MRPL3: variants seen among roughly 807,000 people sequenced by gnomAD.
MRPL3 encodes mitochondrial ribosomal protein L3, also known as large ribosomal subunit protein uL3m.
MRPL3 carries 43 observed loss-of-function variants against 44.3 expected under a neutral mutation model. The ratio of observed to expected loss-of-function variants is 0.97; its 90% CI spans 0.76 to 1.25. MRPL3 has a LOEUF of 1.25. MRPL3 is among the 50% of genes most tolerant of loss of function. The pLI, the probability that MRPL3 is intolerant of heterozygous loss-of-function variation, is 0.00. For synonymous variants in MRPL3, 171 were observed against 152.3 expected (o/e 1.12, Z -0.91); for missense variants, 406 against 427.6 (o/e 0.95, Z 0.45).
chr3:131,468,936 T>C (rs1933680174), intron 8 of MRPL3, among the ~76,000 whole-genome samples: 1 of 152,074 alleles, frequency 6.6e-6, no homozygotes, highest in Non-Finnish European at 1.5e-5. Flanking sequence ...TCTTTGGGTA[T>C]TGTTCTTATT....
intron 4 of MRPL3, among the ~76,000 whole-genome samples, chr3:131,495,658 C>T (rs1299039457): frequency 6.6e-6 from 1 of 152,106 alleles, no homozygotes; most frequent in Non-Finnish European, 1.5e-5. Flanking sequence ...CTATGAAATG[C>T]AATACCTATC....
At chr3:131,468,837 T>C (rs1306832863) in intron 8 of MRPL3, among the ~76,000 whole-genome samples, 3 of 152,058 alleles carry the variant, frequency 2.0e-5, no homozygotes, top group African/African-American at 7.2e-5. Flanking sequence ...TATATAAAAT[T>C]TGAAAACTTC....
At chr3:131,492,910 A>G (rs1220859671) in intron 4 of MRPL3, among the ~76,000 whole-genome samples, 2 of 152,200 alleles carry the variant, frequency 1.3e-5, no homozygotes, top group Non-Finnish European at 2.9e-5. Flanking sequence ...TTATTTTCTT[A>G]TAATTCCTGG....
At chr3:131,469,808 A>G (rs778761669) in intron 7 of MRPL3, 35 bp from the exon 8 acceptor site, 1 of 1,411,642 alleles carries the variant, frequency 7.1e-7, no homozygotes, top group Non-Finnish European at 1.0e-6. Context: ...ACTTTTAAGT[A>G]CTATCAATTT....
At chr3:131,463,887 G>A (rs1232249619) in intron 9 of MRPL3, among the ~76,000 whole-genome samples, 1 of 152,054 alleles carries the variant, frequency 6.6e-6, no homozygotes, top group African/African-American at 2.4e-5. Flanking sequence ...ATATACACGA[G>A]TAAAATGAGG....
chr3:131,483,193 C>CAATGGAATA (rs1465370244), intron 6 of MRPL3, among the ~76,000 whole-genome samples: 2 of 152,024 alleles, frequency 1.3e-5, no homozygotes, highest in African/African-American at 2.4e-5. Context: ...TTCAAAGTTA[C>CAATGGAATA]AATGGAATAT....
At chr3:131,468,060 A>T (rs1008987903) in intron 9 of MRPL3, 31 bp downstream of exon 9, 1 of 1,234,150 alleles carries the variant, frequency 8.1e-7, no homozygotes, top group Non-Finnish European at 1.1e-6. Flanking sequence ...AAAAAAAAAA[A>T]AGGAAAAAAA....
In MRPL3 at chr3:131,502,922, G is replaced by T. The variant is rs553761376; in HGVS notation, c.-101C>A. ...CGCCACGTGGACGCAGTAGCCGTGGGGAAGTTTTCGCAATGGCCGCCGGAA... is the reference window on the plus strand; with the variant it reads ...CGCCACGTGGACGCAGTAGCCGTGGTGAAGTTTTCGCAATGGCCGCCGGAA... On this transcript the variant is annotated 5_prime_UTR_variant, in exon 1 of 10. Coordinates refer to ENST00000264995, the MANE Select transcript of MRPL3 (RefSeq NM_007208.4). 8 of 1,156,386 alleles carry T rather than the reference G, an allele frequency of 6.9e-6. No individual in the cohort carries two copies. Among genetic ancestry groups the T allele is most frequent in the Non-Finnish European group, 1.0e-5 (8 of 789,948 alleles). 71.6% of individuals were successfully genotyped at this position (1,156,386 alleles called of 1,614,324 possible).
chr3:131,471,591 C>T (rs1410385708), intron 6 of MRPL3, among the ~76,000 whole-genome samples: 2 of 152,116 alleles, frequency 1.3e-5, no homozygotes, highest in Non-Finnish European at 2.9e-5. Context: ...GAAGATGACA[C>T]AGTAAAAATG....
chr3:131,502,704 G>A (rs1559837460), intron 1 of MRPL3, 26 bp downstream of exon 1: 1 of 1,588,502 alleles, frequency 6.3e-7, no homozygotes, highest in Non-Finnish European at 8.6e-7. Flanking sequence ...CAACTGTGCA[G>A]GTAGGACACC....
chr3:131,481,831 C>T (rs1430354774), intron 6 of MRPL3, among the ~76,000 whole-genome samples: 1 of 152,194 alleles, frequency 6.6e-6, no homozygotes. Flanking sequence ...GCTTTGAATA[C>T]CCAGTACATA....
intron 4 of MRPL3, among the ~76,000 whole-genome samples, chr3:131,495,498 G>A (rs751972973): frequency 6.6e-6 from 1 of 152,102 alleles, no homozygotes; most frequent in Non-Finnish European, 1.5e-5. Flanking sequence ...GAGAAGTGAA[G>A]TTTTCAAAGT....
intron 6 of MRPL3, among the ~76,000 whole-genome samples, chr3:131,484,276 C>T (rs1484921666): frequency 6.6e-6 from 1 of 152,196 alleles, no homozygotes; most frequent in African/African-American, 2.4e-5. Context: ...GCATCTATAT[C>T]ACCTGGAAAC....
intron 6 of MRPL3, among the ~76,000 whole-genome samples, chr3:131,484,436 C>T (rs1482698946): frequency 1.3e-5 from 2 of 152,152 alleles, no homozygotes; most frequent in Non-Finnish European, 1.5e-5. Flanking sequence ...GCCTATAAAT[C>T]CATGTCCTTT....
chr3:131,468,023 T>C (rs1933654961), intron 9 of MRPL3, 68 bp downstream of exon 9: 2 of 797,284 alleles, frequency 2.5e-6, no homozygotes, highest in Non-Finnish European at 3.8e-6. Context: ...ATAAAGATAG[T>C]AATTTGTTAG....
At chr3:131,463,666 G>A (rs180709137) in intron 9 of MRPL3, among the ~76,000 whole-genome samples, 5 of 152,114 alleles carry the variant, frequency 3.3e-5, no homozygotes, top group African/African-American at 1.2e-4. Flanking sequence ...AGACCTATGG[G>A]TCTTTATAAG....
intron 9 of MRPL3, among the ~76,000 whole-genome samples, chr3:131,465,957 T>C (rs1160569266): frequency 6.6e-6 from 1 of 150,852 alleles, no homozygotes; most frequent in Non-Finnish European, 1.5e-5. Context: ...AAGGCAATAG[T>C]GTGATCACAG....
intron 4 of MRPL3, among the ~76,000 whole-genome samples, chr3:131,497,382 GTAGT>G (rs1460929086): frequency 3.9e-5 from 6 of 152,202 alleles, no homozygotes; most frequent in Admixed American, 6.5e-5. Context: ...AGAAAATAGA[GTAGT>G]TAGTAGGATA....
At chr3:131,501,320 C>T (rs577837332) in intron 2 of MRPL3, among the ~76,000 whole-genome samples, 1 of 152,188 alleles carries the variant, frequency 6.6e-6, no homozygotes, top group African/African-American at 2.4e-5. Flanking sequence ...AAAACAGCTT[C>T]TCAAGGAGGT....
Sources: gnomAD v4.1 joint callset for allele counts (sites outside exome capture counted in the v4.1 genomes callset) on GRCh38, gnomAD v4.1.1 for gene constraint, MANE v1.5 for transcripts, NCBI Gene and HGNC (gene_info 2026-07-23, HGNC 2026-07-21) for gene names.